CRY2: variants seen among roughly 807,000 people sequenced by gnomAD.
The protein encoded by CRY2 is cryptochrome circadian regulator 2, also known as cryptochrome-2.
CRY2 carries 31 observed loss-of-function variants against 69.5 expected under a neutral mutation model. That is an observed-to-expected ratio of 0.45 (90% confidence interval 0.34 to 0.60). The LOEUF (loss-of-function observed/expected upper bound fraction) is 0.60, where lower values mean the gene tolerates loss of function less well. CRY2 is among the 20% of genes least tolerant of loss of function. CRY2 has a pLI of 0.02. For missense variants in CRY2, 606 were observed against 797.8 expected, an observed-to-expected ratio of 0.76 and a Z score of 2.90; for synonymous variants, 303 against 312.2, an observed-to-expected ratio of 0.97 and a Z score of 0.31.
chr11:45,857,594 C>CT (rs1478698474), intron 2 of CRY2, among the ~76,000 whole-genome samples: 8 of 152,144 alleles, frequency 5.3e-5, no homozygotes, highest in African/African-American at 1.9e-4. Context: ...GGTTTCTGCT[C>CT]TGAGAGTTCA....
chr11:45,871,813 C>T (rs180956224), intron 10 of CRY2, among the ~76,000 whole-genome samples: 20 of 152,334 alleles, frequency 1.3e-4, no homozygotes, highest in African/African-American at 3.6e-4. Flanking sequence ...CAAAGCAGGA[C>T]AGCAGGCAGG....
intron 1 of CRY2, among the ~76,000 whole-genome samples, chr11:45,855,409 C>T (rs1001837674): frequency 3.3e-5 from 5 of 152,146 alleles, no homozygotes; most frequent in Admixed American, 2.0e-4. Flanking sequence ...AGGATTTTCC[C>T]GGCTGTGGCA....
At chr11:45,871,454 G>C (rs2086381700) in intron 10 of CRY2, among the ~76,000 whole-genome samples, 1 of 152,144 alleles carries the variant, frequency 6.6e-6, no homozygotes, top group Non-Finnish European at 1.5e-5. Context: ...TCAGTGCACT[G>C]AAGGATGGTC....
At chr11:45,857,889 G>C (rs866993655) in intron 2 of CRY2, among the ~76,000 whole-genome samples, 1 of 152,174 alleles carries the variant, frequency 6.6e-6, no homozygotes, top group East Asian at 1.9e-4. Flanking sequence ...CCCAGTCCCC[G>C]GGCAGGGCTG....
intron 10 of CRY2, 27 bp from the exon 11 acceptor site, chr11:45,872,065 G>T: frequency 1.2e-6 from 2 of 1,613,276 alleles, no homozygotes; most frequent in South Asian, 2.2e-5. Context: ...CACAGTCTGT[G>T]TGACCCTTTG....
intron 2 of CRY2, 156 bp downstream of exon 2, chr11:45,856,246 G>A: frequency 1.6e-6 from 1 of 635,268 alleles, no homozygotes; most frequent in Non-Finnish European, 2.7e-6. Flanking sequence ...CAGCCAGTTA[G>A]CTTGCTCTTG....
chr11:45,868,039 C>A, intron 6 of CRY2: 1 of 369,452 alleles, frequency 2.7e-6, no homozygotes, highest in Non-Finnish European at 4.9e-6. Flanking sequence ...GTGGCATATC[C>A]TCTGGCAGCT....
At chr11:45,847,157 A>C, upstream of CRY2, 15 of 1,540,084 alleles carry the variant, frequency 9.7e-6, no homozygotes, top group Non-Finnish European at 1.3e-5. Flanking sequence ...GACGTGGGTA[A>C]GAGATCCGCT....
intron 2 of CRY2, chr11:45,856,355 C>T: frequency 2.6e-6 from 1 of 390,344 alleles, no homozygotes; most frequent in African/African-American, 2.1e-5. Flanking sequence ...AGTCATTCCA[C>T]TCTGGATGCC....
intron 5 of CRY2, among the ~76,000 whole-genome samples, chr11:45,867,269 A>T (rs574616502): frequency 3.3e-5 from 5 of 152,346 alleles, no homozygotes; most frequent in African/African-American, 1.2e-4. Context: ...CCTGCTGTAT[A>T]ATTAGAGAGT....
chr11:45,856,751 G>T (rs2134632115), intron 2 of CRY2, among the ~76,000 whole-genome samples: 1 of 151,020 alleles, frequency 6.6e-6, no homozygotes, highest in African/African-American at 2.4e-5. Flanking sequence ...AGCCGAGATT[G>T]TGCCACTGCA....
At chr11:45,868,189 C>G (rs576602702) in intron 6 of CRY2, among the ~76,000 whole-genome samples, 7 of 152,206 alleles carry the variant, frequency 4.6e-5, no homozygotes, top group South Asian at 2.1e-4. Flanking sequence ...CAGCAGTTGC[C>G]CATCAGTGAT....
At chr11:45,854,716 G>T (rs572114616) in intron 1 of CRY2, among the ~76,000 whole-genome samples, 2 of 152,178 alleles carry the variant, frequency 1.3e-5, no homozygotes, top group South Asian at 4.1e-4. Flanking sequence ...ATAAAAAAGG[G>T]CACAGAGAGG....
chr11:45,870,450 C>T lies in CRY2; in HGVS notation c.1467C>T (p.Ile489=), dbSNP rs933484537. ...CIIGVDYPRP[I]VNHAETSRLN... ...TTGGTGTGGACTACCCACGGCCCAT[C>T]GTCAACCATGCCGAGACCAGCCGGC... Residue 489 remains isoleucine (I), a synonymous_variant, in exon 9 of 12, where the codon ATC becomes ATT. Transcript: ENST00000616080. The T allele has an allele frequency of 4.3e-6, 7 of 1,614,216 alleles. No individual in the cohort carries two copies. The highest frequency in any genetic ancestry group is 2.2e-5 in the East Asian group (1 of 44,886).
At chr11:45,873,748 C>T (rs1181758711) in intron 11 of CRY2, among the ~76,000 whole-genome samples, 1 of 152,164 alleles carries the variant, frequency 6.6e-6, no homozygotes, top group East Asian at 1.9e-4. Context: ...AATTCCTGGA[C>T]AAATGATACA....
intron 5 of CRY2, among the ~76,000 whole-genome samples, chr11:45,863,119 C>T (rs528282519): frequency 6.6e-6 from 1 of 152,314 alleles, no homozygotes; most frequent in South Asian, 2.1e-4. Context: ...ATGTTTCTAC[C>T]TGGTTGTTTC....
rs919149015 is a variant in CRY2 at position 45,881,435 on chromosome 11, A to T, written c.*524A>T. 1.3e-5 allele frequency: 2 copies of T among 152,640 alleles called. No individual in the cohort carries two copies. Among genetic ancestry groups the T allele is most frequent in the Non-Finnish European group, 2.9e-5 (2 of 68,110 alleles). 9.5% of individuals were successfully genotyped at this position (152,640 alleles called of 1,614,324 possible). ...AGGCTGAGCAGGCCGGAGTGGATGG[A>T]TGCTGTCCAGACGTAGCCACCTGGC... is the stretch of plus-strand genomic sequence containing the variant. On this transcript the variant is annotated 3_prime_UTR_variant, in exon 12 of 12. Coordinates refer to ENST00000616080, the MANE Select transcript of CRY2 (RefSeq NM_021117.5).
In CRY2 at chr11:45,870,950, C is replaced by T; in HGVS notation, c.1642+16C>T. ...AGCAGTGCAGGTGAGCAGCAGCAAC[C>T]AACCTCCTGTGGCCTCCTGTGGCCT... On this transcript the variant is annotated intron_variant, in intron 10 of 11. Transcript: ENST00000616080. The T allele has an allele frequency of 6.2e-7, 1 of 1,603,004 alleles. No homozygotes were observed. The highest frequency in any genetic ancestry group is 1.1e-5 in the South Asian group (1 of 90,432).
chr11:45,867,886 G>C (rs1210788183), intron 6 of CRY2, 134 bp downstream of exon 6: 138 of 1,164,204 alleles, frequency 1.2e-4, no homozygotes, highest in Non-Finnish European at 1.6e-4. Context: ...AGTGTGTGCA[G>C]ATAGTCCGGA....
Sources: gnomAD v4.1 joint callset for allele counts (sites outside exome capture counted in the v4.1 genomes callset) on GRCh38, gnomAD v4.1.1 for gene constraint, MANE v1.5 for transcripts, NCBI Gene and HGNC (gene_info 2026-07-23, HGNC 2026-07-21) for gene names.